LARP4B: variants seen among roughly 807,000 people sequenced by gnomAD.
The protein encoded by LARP4B is La ribonucleoprotein 4B.
Under a neutral mutation model 89.8 loss-of-function variants are expected in LARP4B, and 12 were observed. The ratio of observed to expected loss-of-function variants is 0.13; its 90% CI spans 0.09 to 0.22. LARP4B has a LOEUF of 0.22. Among genes scored for constraint, LARP4B ranks in the 10% least tolerant of loss-of-function variants. LARP4B has a pLI of 1.00. For synonymous variants in LARP4B, 367 were observed against 363.3 expected, an observed-to-expected ratio of 1.01 and a Z score of -0.12; for missense variants, 757 against 947.7, an observed-to-expected ratio of 0.80 and a Z score of 2.64.
chr10:936,924 C>T, the LARP4B span, among the ~76,000 whole-genome samples: 2 of 152,138 alleles, frequency 1.3e-5, no homozygotes, highest in Middle Eastern at 3.4e-3. Flanking sequence ...AACGCATGAG[C>T]TTTTACAGAT....
chr10:842,836 A>AC, intron 7 of LARP4B, 96 bp downstream of exon 7: 1 of 1,099,786 alleles, frequency 9.1e-7, no homozygotes, highest in East Asian at 2.5e-5. Context: ...GCCATCAAGG[A>AC]CCTTAACGTT....
rs898772506 is a variant in LARP4B, at chr10:887,071, G to T, written c.-39-1311C>A. On this transcript the variant is annotated intron_variant, in intron 1 of 17. Transcript: ENST00000316157. ...CATTGCACTCCAGACTGGGCAACAA[G>T]AGTGAAACTCCACCTCACTCACACA... Among the ~76,000 whole-genome samples the T allele has an allele frequency of 2.0e-5, 3 of 151,048 alleles. 1 individual carries two copies. In the South Asian group the frequency reaches 6.3e-4, roughly 31 times the overall value.
intron 7 of LARP4B, among the ~76,000 whole-genome samples, chr10:837,233 T>C (rs938947071): frequency 2.0e-5 from 3 of 152,228 alleles, no homozygotes; most frequent in Non-Finnish European, 4.4e-5. Flanking sequence ...AACTGGTGCA[T>C]GACTGTAACT....
intron 1 of LARP4B, among the ~76,000 whole-genome samples, chr10:888,896 G>C (rs940972703): frequency 6.6e-6 from 1 of 151,310 alleles, no homozygotes; most frequent in African/African-American, 2.4e-5. Context: ...GACCAGCATG[G>C]ACAACATGGC....
chr10:936,754 A>G (rs1197649633), upstream of LARP4B, among the ~76,000 whole-genome samples: 5 of 152,284 alleles, frequency 3.3e-5, no homozygotes, highest in East Asian at 9.6e-4. Context: ...CAGATTTACT[A>G]TGAGGCAAGA....
chr10:973,230 G>A, the LARP4B span, among the ~76,000 whole-genome samples: 6 of 152,176 alleles, frequency 3.9e-5, no homozygotes, highest in Non-Finnish European at 8.8e-5. Context: ...CCGGGGCAGG[G>A]GGAGCTCGCA....
chr10:859,697 T>C (rs1036856679), intron 5 of LARP4B, among the ~76,000 whole-genome samples: 1 of 152,138 alleles, frequency 6.6e-6, no homozygotes, highest in Non-Finnish European at 1.5e-5. Flanking sequence ...TATTCAGTGC[T>C]AAAAAGAAAT....
chr10:832,758 C>T (rs934282557), intron 8 of LARP4B, among the ~76,000 whole-genome samples: 1 of 151,934 alleles, frequency 6.6e-6, no homozygotes, highest in Non-Finnish European at 1.5e-5. Flanking sequence ...TAAGATTTTC[C>T]CAAACATACT....
chr10:814,535 G>A lies in LARP4B; in HGVS notation c.1929+207C>T. 2 of 1,094,174 alleles carry A rather than the reference G, an allele frequency of 1.8e-6. No individual in the cohort carries two copies. The highest frequency in any genetic ancestry group is 2.7e-6 in the Non-Finnish European group (2 of 746,276). 67.8% of individuals were successfully genotyped at this position (1,094,174 alleles called of 1,614,324 possible). A position where few individuals can be genotyped will look rare whatever the true frequency, so the allele number is the denominator to read the frequency against. On this transcript the variant is annotated intron_variant, in intron 17 of 17. Coordinates refer to ENST00000316157, the MANE Select transcript of LARP4B (RefSeq NM_015155.3). The surrounding 1 kb of genome is among the most constrained non-coding windows in gnomAD (Gnocchi z 4.4). Reference sequence around the variant, plus strand: ...CACTGAAATAAAAGGACTACATGGTGGTCTGAGAAAGAACTAGAGTAGTTA... The same window carrying A: ...CACTGAAATAAAAGGACTACATGGTAGTCTGAGAAAGAACTAGAGTAGTTA...
At chr10:852,893 T>C (rs1834126819) in intron 5 of LARP4B, among the ~76,000 whole-genome samples, 1 of 152,122 alleles carries the variant, frequency 6.6e-6, no homozygotes, top group South Asian at 2.1e-4. Flanking sequence ...ATAAAATACT[T>C]ATAAACTGGA....
At chr10:864,567 T>C (rs1834796102) in intron 3 of LARP4B, among the ~76,000 whole-genome samples, 1 of 152,130 alleles carries the variant, frequency 6.6e-6, no homozygotes, top group African/African-American at 2.4e-5. Flanking sequence ...ACCTGAGGAA[T>C]AGCTGGTGAC....
chr10:862,256 T>TAAAAAAAAAAAAAAAAAAA (rs10661482), intron 5 of LARP4B, among the ~76,000 whole-genome samples: 5 of 84,412 alleles, frequency 5.9e-5, no homozygotes, highest in African/African-American at 2.6e-4. Context: ...CCACTGAAGT[T>TAAAAAAAAAAAAAAAAAAA]AAAAAAAAAA....
At chr10:966,986 C>T in the LARP4B span, among the ~76,000 whole-genome samples, 7 of 152,246 alleles carry the variant, frequency 4.6e-5, no homozygotes, top group East Asian at 3.8e-4. Context: ...CAAGACAAGG[C>T]GTTCGAACCC....
At chr10:879,480 A>T (rs979558037) in intron 3 of LARP4B, among the ~76,000 whole-genome samples, 4 of 151,928 alleles carry the variant, frequency 2.6e-5, no homozygotes, top group African/African-American at 9.7e-5. Flanking sequence ...AACATCCTTA[A>T]GGAAAGTTCT....
rs1359794768 is a variant in LARP4B, at chr10:815,017, C to T, written c.1749G>A (p.Glu583=). The T allele has an allele frequency of 6.2e-7, 1 of 1,609,088 alleles. No individual in the cohort carries two copies. Among genetic ancestry groups the T allele is most frequent in the Non-Finnish European group, 8.5e-7 (1 of 1,176,896 alleles). The stretch of plus-strand genomic sequence containing the variant: ...CAGCACAAGAAGCCGGCACCGAGGG[C>T]TCTCTGGAGACCACTACAGGAAGGG... The part of the protein sequence containing the change: ...VNTLPVVVSR[E]PSVPASCAVS... Residue 583 remains glutamate (E), a synonymous_variant, in exon 16 of 18, where the codon GAG becomes GAA. Coordinates refer to ENST00000316157, the MANE Select transcript of LARP4B (RefSeq NM_015155.3).
At chr10:960,879 C>T in the LARP4B span, among the ~76,000 whole-genome samples, 1 of 152,022 alleles carries the variant, frequency 6.6e-6, no homozygotes, top group Non-Finnish European at 1.5e-5. Context: ...ATTCTCAGAA[C>T]AAGAAAAAAG....
intron 1 of LARP4B, among the ~76,000 whole-genome samples, chr10:891,708 T>G (rs1322837997): frequency 6.6e-6 from 1 of 152,202 alleles, no homozygotes; most frequent in Non-Finnish European, 1.5e-5. Flanking sequence ...TGATCCCGAT[T>G]TGAACACTCT....
At chr10:957,096 G>A in the LARP4B span, among the ~76,000 whole-genome samples, 1 of 152,174 alleles carries the variant, frequency 6.6e-6, no homozygotes, top group Admixed American at 6.5e-5. Flanking sequence ...GCACTTTTGT[G>A]ATGGGAGAGT....
intron 15 of LARP4B, among the ~76,000 whole-genome samples, chr10:817,007 C>T (rs918941387): frequency 6.6e-6 from 1 of 152,136 alleles, no homozygotes; most frequent in African/African-American, 2.4e-5. Flanking sequence ...GGGAAAGGGC[C>T]CCTGGCACAG....
Sources: allele counts gnomAD v4.1 joint callset (sites outside exome capture counted in the v4.1 genomes callset), GRCh38; gene constraint gnomAD v4.1.1; non-coding constraint Gnocchi (gnomAD v3.1); transcripts MANE v1.5; gene names NCBI Gene and HGNC (gene_info 2026-07-23, HGNC 2026-07-21).